CFHR4: variants seen among roughly 807,000 people sequenced by gnomAD.
CFHR4 encodes the protein complement factor H related 4, also known as complement factor H-related protein 4.
In CFHR4, 64 loss-of-function variants were observed where a neutral mutation model predicts 69.3. The observed-to-expected ratio is 0.92, with a 90% CI of 0.76 to 1.14. The LOEUF is 1.14. Among genes scored for constraint, CFHR4 ranks in the 50% most tolerant of loss-of-function variants. CFHR4 has a pLI of 0.00. For missense variants in CFHR4, 636 were observed against 684.9 expected (o/e 0.93, Z 0.80); for synonymous variants, 244 against 237.0 (o/e 1.03, Z -0.27).
At chr1:196,913,710 C>T (rs2124972226) in intron 7 of CFHR4, among the ~76,000 whole-genome samples, 1 of 151,378 alleles carries the variant, frequency 6.6e-6, no homozygotes, top group East Asian at 1.9e-4. Context: ...AATTTACATA[C>T]TCCCAAATCC....
chr1:196,918,591 C>T lies in CFHR4; in HGVS notation c.*185C>T. 1 of 590,002 alleles carries T rather than the reference C, an allele frequency of 1.7e-6. No homozygotes were observed. The highest frequency in any genetic ancestry group is 2.0e-5 in the South Asian group (1 of 49,526). 36.5% of individuals were successfully genotyped at this position (590,002 alleles called of 1,614,324 possible). ...TATGTTAAAACAAACTAAATTATTG[C>T]TTATGCTTGTACTAAAATAATAAAA... is the stretch of plus-strand genomic sequence containing the variant. On this transcript the variant is annotated 3_prime_UTR_variant, in exon 10 of 10. Transcript: ENST00000608469.
chr1:196,899,425 T>C (rs915822714), intron 1 of CFHR4, among the ~76,000 whole-genome samples: 2 of 151,468 alleles, frequency 1.3e-5, no homozygotes, highest in African/African-American at 2.4e-5. Context: ...TCCTAAGCAG[T>C]TGGGAATATA....
chr1:196,901,428 T>G (rs1487680897), intron 1 of CFHR4, among the ~76,000 whole-genome samples: 2 of 151,290 alleles, frequency 1.3e-5, no homozygotes, highest in Non-Finnish European at 2.9e-5. Context: ...ATCTCGCTAA[T>G]GAAAAAATAA....
At position 196,888,130 on chromosome 1, in the gene CFHR4, A is replaced by G. The variant is rs763898582; in HGVS notation, c.-21A>G. On this transcript the variant is annotated 5_prime_UTR_variant, in exon 1 of 10. Transcript: ENST00000608469. ...GTGCAACTGAAACTTTTGCATTACT[A>G]TACTACTGAGAATATCTAACATGTT... The G allele has an allele frequency of 3.7e-6, 6 of 1,608,594 alleles. 1 individual carries two copies. The highest frequency in any genetic ancestry group is 1.7e-5 in the Admixed American group (1 of 59,742).
intron 6 of CFHR4, among the ~76,000 whole-genome samples, chr1:196,910,706 T>G (rs1413836279): frequency 1.3e-5 from 2 of 151,556 alleles, no homozygotes; most frequent in African/African-American, 4.9e-5. Flanking sequence ...TAAACATATT[T>G]TATCATAAAA....
At chr1:196,907,643 A>C (rs959046390) in intron 5 of CFHR4, 145 bp downstream of exon 5, 5 of 676,900 alleles carry the variant, frequency 7.4e-6, no homozygotes, top group Non-Finnish European at 1.2e-5. Flanking sequence ...TCAGATCTTA[A>C]TATATAAGTG....
chr1:196,901,060 G>C (rs942033633), intron 1 of CFHR4, among the ~76,000 whole-genome samples: 3 of 151,430 alleles, frequency 2.0e-5, no homozygotes, highest in African/African-American at 7.3e-5. Flanking sequence ...ATGTGTTAAA[G>C]ACAAATTATT....
intron 1 of CFHR4, among the ~76,000 whole-genome samples, chr1:196,890,299 A>G (rs567401271): frequency 6.6e-6 from 1 of 151,698 alleles, no homozygotes; most frequent in South Asian, 2.1e-4. Flanking sequence ...TATTTTTCAT[A>G]TGATTAATGA....
rs1195035595 is a variant in CFHR4, at chr1:196,918,318, G to A, written c.1649G>A (p.Cys550Tyr). Residue 550 changes from cysteine to tyrosine, a missense_variant, in exon 10 of 10, where the codon TGT becomes TAT. This residue lies in a region of CFHR4 where 85 missense variants were observed against 79.0 expected (regional missense o/e 1.08). Transcript: ENST00000608469. Reference protein sequence around the residue: ...AKTGDTIEFMCKLGYNANTSV... With the variant: ...AKTGDTIEFMYKLGYNANTSV... ...ACAGGGGATACCATTGAATTTATGT[G>A]TAAATTGGGATATAATGCGAATACA... The A allele has an allele frequency of 6.2e-7, 1 of 1,611,010 alleles. No homozygotes were observed. The highest frequency in any genetic ancestry group is 1.1e-5 in the South Asian group (1 of 91,012).
rs564570704 is a variant in CFHR4 at position 196,910,182 on chromosome 1, A to C, written c.800-99A>C. On this transcript the variant is annotated intron_variant, in intron 5 of 9. Transcript: ENST00000608469. ...AAAAAAAAAGTAAAGAAAAAAAAAA[A>C]CATTATTTGGAAGGTAACATAATCA... 400 of 747,988 alleles carry C rather than the reference A, an allele frequency of 5.3e-4. 7 individuals are homozygous for C. In the South Asian group the frequency reaches 0.012, roughly 23 times the overall value. 46.3% of individuals were successfully genotyped at this position (747,988 alleles called of 1,614,324 possible). A position where few individuals can be genotyped will look rare whatever the true frequency, so the allele number is the denominator to read the frequency against.
chr1:196,914,366 T>G, intron 7 of CFHR4, 129 bp from the exon 8 acceptor site: 1 of 855,122 alleles, frequency 1.2e-6, no homozygotes, highest in East Asian at 3.0e-5. Context: ...ATTGTCAGAC[T>G]ATTTTTAATA....
chr1:196,907,329 C>G lies in CFHR4; in HGVS notation c.630C>G (p.Asn210Lys), dbSNP rs554389553. ...HLPTCYNSSE[N>K]CGPPPPISNG... ...ATTTTTTTTCAGATTCTTCAGAAAA[C>G]TGTGGGCCTCCTCCACCTATTAGCA... Residue 210 changes from asparagine (N) to lysine (K), a missense_variant, in exon 5 of 10, where the codon AAC (asparagine) becomes AAG (lysine). By Grantham distance (94) the Asn-to-Lys change is moderately conservative. This residue lies in a region of CFHR4 where 529 missense variants were observed against 533.2 expected (regional missense o/e 0.99). Coordinates refer to ENST00000608469, the MANE Select transcript of CFHR4 (RefSeq NM_001201550.3). 1.2e-4 allele frequency: 190 copies of G among 1,610,050 alleles called. 5 individuals carry two copies. In the African/African-American group the frequency reaches 1.8e-3, roughly 15 times the overall value.
chr1:196,916,319 C>A (rs1172327156), intron 9 of CFHR4, among the ~76,000 whole-genome samples: 1 of 151,860 alleles, frequency 6.6e-6, no homozygotes, highest in Non-Finnish European at 1.5e-5. Flanking sequence ...CCTTGCATGT[C>A]AGATAACCTA....
At chr1:196,900,719 G>T (rs925111583) in intron 1 of CFHR4, among the ~76,000 whole-genome samples, 1 of 151,320 alleles carries the variant, frequency 6.6e-6, no homozygotes, top group Admixed American at 6.6e-5. Flanking sequence ...GATGAAATTT[G>T]CAAAGTTCAA....
intron 1 of CFHR4, among the ~76,000 whole-genome samples, chr1:196,889,943 G>A (rs1656928686): frequency 6.6e-6 from 1 of 151,444 alleles, no homozygotes; most frequent in Non-Finnish European, 1.5e-5. Flanking sequence ...AGAGGCCTCA[G>A]AAGAATGCAG....
At chr1:196,900,755 T>G (rs1358220070) in intron 1 of CFHR4, among the ~76,000 whole-genome samples, 1 of 150,806 alleles carries the variant, frequency 6.6e-6, no homozygotes, top group African/African-American at 2.5e-5. Flanking sequence ...AATACAAATA[T>G]CCAAACAGTG....
At chr1:196,903,125 G>T (rs1415156293) in intron 2 of CFHR4, among the ~76,000 whole-genome samples, 3 of 151,282 alleles carry the variant, frequency 2.0e-5, no homozygotes, top group Non-Finnish European at 2.9e-5. Context: ...CCTCCTCCCA[G>T]ATGCATTCGT....
intron 1 of CFHR4, among the ~76,000 whole-genome samples, chr1:196,900,351 C>A (rs1657538288): frequency 7.0e-6 from 1 of 143,592 alleles, no homozygotes; most frequent in African/African-American, 2.6e-5. Context: ...AGAGAACTAC[C>A]ATATGAGAAA....
In CFHR4 at chr1:196,915,531, A is replaced by C. The variant is rs1658557019; in HGVS notation, c.1540+393A>C. On this transcript the variant is annotated intron_variant, in intron 9 of 9. Transcript: ENST00000608469. ...ATGCCTGTAATCCTAGCTACTCAGGAGGGTGAGGCAGGAGAATCATCTGAA... is the reference window on the plus strand; with the variant it reads ...ATGCCTGTAATCCTAGCTACTCAGGCGGGTGAGGCAGGAGAATCATCTGAA... Among the ~76,000 whole-genome samples the C allele has an allele frequency of 2.0e-5, 3 of 151,448 alleles. 1 individual carries two copies. Among genetic ancestry groups the C allele is most frequent in the African/African-American group, 7.3e-5 (3 of 41,014 alleles).
Sources: allele counts gnomAD v4.1 joint callset (sites outside exome capture counted in the v4.1 genomes callset), GRCh38; gene constraint gnomAD v4.1.1; regional missense constraint gnomAD v4.1.1; transcripts MANE v1.5; gene names NCBI Gene and HGNC (gene_info 2026-07-23, HGNC 2026-07-21).